The following HS3ST4 variants were observed in gnomAD, a reference collection of about 807,000 sequenced individuals.
HS3ST4 encodes the protein heparan sulfate-glucosamine 3-sulfotransferase 4, also known as heparan sulfate glucosamine 3-O-sulfotransferase 4.
A neutral mutation model predicts 29.2 loss-of-function variants in HS3ST4; 17 were observed. The observed-to-expected ratio is 0.58, with a 90% CI of 0.40 to 0.87. HS3ST4 has a LOEUF of 0.87. HS3ST4 is among the 40% of genes least tolerant of loss of function. The pLI is 0.00. For synonymous variants in HS3ST4, 314 were observed against 285.7 expected (o/e 1.10, Z -1.00); for missense variants, 627 against 634.5 (o/e 0.99, Z 0.13).
At chr16:25,863,556 C>T (rs771843469) in intron 1 of HS3ST4, among the ~76,000 whole-genome samples, 15 of 152,140 alleles carry the variant, frequency 9.9e-5, no homozygotes, top group East Asian at 1.9e-4. Flanking sequence ...AGGTATTCTA[C>T]GTAATCCTCT....
At position 25,919,202 on chromosome 16, in the gene HS3ST4, A is replaced by AT. The variant is rs923412696; in HGVS notation, c.735-216401dup. 9.2e-5 allele frequency among the ~76,000 whole-genome samples: 14 copies of AT among 151,396 alleles called. No homozygotes were observed. In the East Asian group the frequency reaches 1.7e-3, roughly 19 times the overall value. ...GCCACCACTCCTGGCTAATTTTAAAATTTTTTTTTGTAGAGGCAAGGTCTT... is the reference window on the plus strand; with the variant it reads ...GCCACCACTCCTGGCTAATTTTAAAATTTTTTTTTTGTAGAGGCAAGGTCTT... On this transcript the variant is annotated intron_variant, in intron 1 of 1. Transcript: ENST00000331351.
intron 1 of HS3ST4, among the ~76,000 whole-genome samples, chr16:25,801,481 G>A (rs1484418575): frequency 1.3e-5 from 2 of 152,100 alleles, no homozygotes; most frequent in African/African-American, 4.8e-5. Flanking sequence ...ATACAATTTG[G>A]ACACATTTTA....
At chr16:25,997,751 C>T (rs1445195358) in intron 1 of HS3ST4, among the ~76,000 whole-genome samples, 12 of 152,136 alleles carry the variant, frequency 7.9e-5, no homozygotes, top group Non-Finnish European at 1.6e-4. Context: ...GTGATTGGAC[C>T]TTCCTGGATC....
At chr16:25,714,991 A>T (rs947889046) in intron 1 of HS3ST4, among the ~76,000 whole-genome samples, 1 of 152,240 alleles carries the variant, frequency 6.6e-6, no homozygotes, top group East Asian at 1.9e-4. Context: ...AGAGACCTCC[A>T]TGTATTCCCC....
intron 1 of HS3ST4, among the ~76,000 whole-genome samples, chr16:25,815,284 G>C (rs1034148753): frequency 6.6e-6 from 1 of 152,126 alleles, no homozygotes; most frequent in Non-Finnish European, 1.5e-5. Flanking sequence ...CTGGGTGCAG[G>C]GTTTGTGGGG....
At chr16:26,041,735 C>T (rs1486981707) in intron 1 of HS3ST4, among the ~76,000 whole-genome samples, 2 of 152,158 alleles carry the variant, frequency 1.3e-5, no homozygotes, top group Non-Finnish European at 2.9e-5. Flanking sequence ...AAATGGCAGC[C>T]ACATTGGGCC....
chr16:25,764,510 C>T (rs1387630196), intron 1 of HS3ST4, among the ~76,000 whole-genome samples: 2 of 152,108 alleles, frequency 1.3e-5, no homozygotes, highest in African/African-American at 4.8e-5. Flanking sequence ...TGTGTATGTG[C>T]GTGTTTTTTC....
chr16:26,003,366 A>C (rs1969229262), intron 1 of HS3ST4, among the ~76,000 whole-genome samples: 1 of 152,312 alleles, frequency 6.6e-6, no homozygotes, highest in Admixed American at 6.5e-5. Context: ...ACACATAGTC[A>C]CTGCTCAAGA....
intron 1 of HS3ST4, among the ~76,000 whole-genome samples, chr16:26,085,257 C>T (rs1218170531): frequency 6.6e-6 from 1 of 152,142 alleles, no homozygotes; most frequent in African/African-American, 2.4e-5. Flanking sequence ...ACCCACTTCT[C>T]GGGATTGTGT....
chr16:26,010,046 G>A (rs982125911), intron 1 of HS3ST4, among the ~76,000 whole-genome samples: 1 of 152,158 alleles, frequency 6.6e-6, no homozygotes, highest in Non-Finnish European at 1.5e-5. Flanking sequence ...TGTGATCTGG[G>A]CCAGGCCTAA....
chr16:26,029,761 A>C (rs1206922714), intron 1 of HS3ST4, among the ~76,000 whole-genome samples: 1 of 152,206 alleles, frequency 6.6e-6, no homozygotes, highest in Admixed American at 6.5e-5. Flanking sequence ...TTGAAGCATC[A>C]GTTCCAGGAG....
chr16:26,046,351 A>G (rs1446482014), intron 1 of HS3ST4, among the ~76,000 whole-genome samples: 1 of 151,938 alleles, frequency 6.6e-6, no homozygotes, highest in South Asian at 2.1e-4. Context: ...GGTTTTTACC[A>G]TGTTGGCCAG....
intron 1 of HS3ST4, among the ~76,000 whole-genome samples, chr16:25,778,269 G>A (rs901034453): frequency 1.3e-5 from 2 of 152,136 alleles, no homozygotes; most frequent in African/African-American, 4.8e-5. Flanking sequence ...ATTTGGCCTG[G>A]GACAGCCATG....
At chr16:26,095,386 T>A (rs1264765971) in intron 1 of HS3ST4, among the ~76,000 whole-genome samples, 3 of 152,098 alleles carry the variant, frequency 2.0e-5, no homozygotes, top group African/African-American at 7.2e-5. Context: ...CCTCAGCAAA[T>A]GTAAAAGAAC....
At chr16:25,927,769 A>T (rs1485839660) in intron 1 of HS3ST4, among the ~76,000 whole-genome samples, 3 of 151,894 alleles carry the variant, frequency 2.0e-5, no homozygotes, top group Non-Finnish European at 4.4e-5. Flanking sequence ...AAACCCCTCC[A>T]TTCCTTTCTC....
chr16:25,878,824 A>G (rs990347306), intron 1 of HS3ST4, among the ~76,000 whole-genome samples: 3 of 152,130 alleles, frequency 2.0e-5, no homozygotes, highest in African/African-American at 7.2e-5. Flanking sequence ...CCTTTATTCA[A>G]ACCTTCGATA....
chr16:26,066,026 G>T (rs571630877), intron 1 of HS3ST4, among the ~76,000 whole-genome samples: 1 of 152,304 alleles, frequency 6.6e-6, no homozygotes, highest in South Asian at 2.1e-4. Flanking sequence ...ACTCAAAAGA[G>T]GTGGACATGA....
intron 1 of HS3ST4, among the ~76,000 whole-genome samples, chr16:25,829,196 C>G (rs910661395): frequency 1.3e-5 from 2 of 152,174 alleles, no homozygotes; most frequent in East Asian, 1.9e-4. Context: ...TTGGGAGAAG[C>G]CTCCCTTCAT....
intron 1 of HS3ST4, among the ~76,000 whole-genome samples, chr16:25,988,220 T>C (rs1374958542): frequency 6.6e-6 from 1 of 152,164 alleles, no homozygotes. Context: ...ACCTTGTCTG[T>C]TGGAATGACA....
Sources: gnomAD v4.1 joint callset for allele counts (sites outside exome capture counted in the v4.1 genomes callset) on GRCh38, gnomAD v4.1.1 for gene constraint, MANE v1.5 for transcripts, NCBI Gene and HGNC (gene_info 2026-07-23, HGNC 2026-07-21) for gene names.